GLIS3: variants seen among roughly 807,000 people sequenced by gnomAD.
GLIS3 encodes the protein zinc finger protein GLIS3.
In GLIS3, 53 loss-of-function variants were observed where a neutral mutation model predicts 78.6. The ratio of observed to expected loss-of-function variants is 0.67; its 90% CI spans 0.54 to 0.85. The LOEUF (loss-of-function observed/expected upper bound fraction) is 0.85. Among genes scored for constraint, GLIS3 ranks in the 40% least tolerant of loss-of-function variants. GLIS3 has a pLI of 0.00. For synonymous variants in GLIS3, 684 were observed against 509.9 expected (o/e 1.34, Z -4.60); for missense variants, 1,703 against 1,231.1 (o/e 1.38, Z -5.74).
At chr9:4,060,436 T>C (rs1372021353) in intron 4 of GLIS3, among the ~76,000 whole-genome samples, 2 of 152,196 alleles carry the variant, frequency 1.3e-5, no homozygotes, top group Non-Finnish European at 2.9e-5. Context: ...TGATTTAATA[T>C]TTGCCCCCGT....
At chr9:3,864,640 C>T (rs996229406) in intron 8 of GLIS3, among the ~76,000 whole-genome samples, 2 of 152,198 alleles carry the variant, frequency 1.3e-5, no homozygotes, top group African/African-American at 2.4e-5. Context: ...TCATTAATAA[C>T]ATGTGCTGTT....
chr9:4,265,163 C>CTGGGCAACTG (rs1825875085), intron 2 of GLIS3, among the ~76,000 whole-genome samples: 1 of 134,332 alleles, frequency 7.4e-6, no homozygotes, highest in African/African-American at 2.8e-5. Context: ...CAGAGTGAGA[C>CTGGGCAACTG]GCCGTCTCAA....
At chr9:4,355,552 C>A in the GLIS3 span, among the ~76,000 whole-genome samples, 4 of 152,152 alleles carry the variant, frequency 2.6e-5, no homozygotes, top group Non-Finnish European at 5.9e-5. Flanking sequence ...CCTAGTGACA[C>A]CTCATAGCCC....
At chr9:4,086,151 C>A (rs1349848394) in intron 4 of GLIS3, among the ~76,000 whole-genome samples, 1 of 152,104 alleles carries the variant, frequency 6.6e-6, no homozygotes, top group Admixed American at 6.6e-5. Flanking sequence ...CTGCACATAC[C>A]CTACTCAGAC....
intron 4 of GLIS3, among the ~76,000 whole-genome samples, chr9:3,970,265 G>C (rs961798561): frequency 6.6e-6 from 1 of 152,148 alleles, no homozygotes; most frequent in African/African-American, 2.4e-5. Context: ...CTAGTAAAGG[G>C]ATTAAAATAG....
intron 2 of GLIS3, among the ~76,000 whole-genome samples, chr9:4,198,811 G>A (rs1819102278): frequency 6.6e-6 from 1 of 152,126 alleles, no homozygotes; most frequent in South Asian, 2.1e-4. Flanking sequence ...GACAGCTAGA[G>A]AAAAAGGTCA....
upstream of GLIS3, among the ~76,000 whole-genome samples, chr9:4,303,759 T>C (rs1424613160): frequency 6.6e-6 from 1 of 152,244 alleles, no homozygotes; most frequent in Non-Finnish European, 1.5e-5. Flanking sequence ...AGCTGAGATG[T>C]ATCTAAAATT....
chr9:4,267,430 G>T (rs1038510134), intron 2 of GLIS3, among the ~76,000 whole-genome samples: 1 of 152,180 alleles, frequency 6.6e-6, no homozygotes, highest in Non-Finnish European at 1.5e-5. Context: ...TTCCTCAAAA[G>T]ATTAATTTCT....
intron 6 of GLIS3, among the ~76,000 whole-genome samples, chr9:3,922,156 T>C (rs1156631607): frequency 1.3e-5 from 2 of 152,304 alleles, no homozygotes; most frequent in East Asian, 3.9e-4. Flanking sequence ...TTTAAAATCA[T>C]CTAATTGTCT....
chr9:4,059,064 G>C (rs541722991), intron 4 of GLIS3, among the ~76,000 whole-genome samples: 101 of 152,170 alleles, frequency 6.6e-4, no homozygotes, highest in African/African-American at 2.3e-3. Flanking sequence ...GGGACCCTGA[G>C]TCATCTAATC....
intron 4 of GLIS3, among the ~76,000 whole-genome samples, chr9:3,962,775 T>C (rs1409883364): frequency 6.6e-6 from 1 of 152,194 alleles, no homozygotes; most frequent in African/African-American, 2.4e-5. Context: ...TCATTTGGTC[T>C]TCACTCTAGC....
At chr9:4,458,944 T>A in the GLIS3 span, among the ~76,000 whole-genome samples, 2 of 151,396 alleles carry the variant, frequency 1.3e-5, no homozygotes, top group African/African-American at 4.9e-5. Flanking sequence ...ACAGGAAGAG[T>A]GATAAGAGGC....
At chr9:4,397,016 CTTTTTTTCTTTTTT>C in the GLIS3 span, among the ~76,000 whole-genome samples, 1 of 133,358 alleles carries the variant, frequency 7.5e-6, no homozygotes, top group South Asian at 2.4e-4. Flanking sequence ...ATCCTTTTTT[CTTTTTTTCTTTTTT>C]TTTTTTTTTT....
upstream of GLIS3, among the ~76,000 whole-genome samples, chr9:4,349,964 GC>G (rs1817943715): frequency 1.3e-5 from 2 of 152,224 alleles, no homozygotes; most frequent in African/African-American, 4.8e-5. Context: ...CTGTGGGTGG[GC>G]AGCCCAGGCC....
intron 6 of GLIS3, among the ~76,000 whole-genome samples, chr9:3,909,881 C>T (rs789279): frequency 0.89 from 135,933 of 152,284 alleles, 60,771 homozygotes; most frequent in African/African-American, 0.93. Flanking sequence ...CCATGTGTGA[C>T]TAATGAGCAT....
chr9:4,392,064 T>A, the GLIS3 span, among the ~76,000 whole-genome samples: 1 of 152,178 alleles, frequency 6.6e-6, no homozygotes, highest in Non-Finnish European at 1.5e-5. Flanking sequence ...TGGAATACTA[T>A]ACAGCCCAAG....
intron 3 of GLIS3, among the ~76,000 whole-genome samples, chr9:4,119,254 A>C (rs139817072): frequency 6.2e-4 from 95 of 152,376 alleles, no homozygotes; most frequent in African/African-American, 2.0e-3. Flanking sequence ...AAGCCAACCA[A>C]ATAAGTATTT....
chr9:4,029,056 G>A (rs543821715), intron 4 of GLIS3, among the ~76,000 whole-genome samples: 46 of 151,880 alleles, frequency 3.0e-4, no homozygotes, highest in African/African-American at 8.0e-4. Flanking sequence ...GTAGAAAGAA[G>A]AAAAAAAGAT....
intron 4 of GLIS3, among the ~76,000 whole-genome samples, chr9:3,999,724 CA>C (rs1467690705): frequency 2.0e-5 from 3 of 152,016 alleles, no homozygotes; most frequent in African/African-American, 7.2e-5. Flanking sequence ...AAATTCTAAC[CA>C]AAATCTTAAC....
Sources: allele counts gnomAD v4.1 joint callset (sites outside exome capture counted in the v4.1 genomes callset), GRCh38; gene constraint gnomAD v4.1.1; transcripts MANE v1.5; gene names NCBI Gene and HGNC (gene_info 2026-07-23, HGNC 2026-07-21).